Variants in CLTB observed in about 807,000 individuals in gnomAD.
The protein encoded by CLTB is clathrin light chain B.
In CLTB, 10 loss-of-function variants were observed where a neutral mutation model predicts 30.5. That is an observed-to-expected ratio of 0.33 (90% CI 0.20 to 0.56). The LOEUF (loss-of-function observed/expected upper bound fraction) is 0.56. Ranked by LOEUF, CLTB falls within the 20% of genes least tolerant of loss-of-function variation. CLTB has a pLI of 0.91. For synonymous variants in CLTB, 102 were observed against 120.3 expected, an observed-to-expected ratio of 0.85 and a Z score of 1.00; for missense variants, 261 against 308.3, an observed-to-expected ratio of 0.85 and a Z score of 1.15.
At chr5:176,399,491 CAGCA>C (rs1304383529) in intron 2 of CLTB, among the ~76,000 whole-genome samples, 3 of 152,194 alleles carry the variant, frequency 2.0e-5, no homozygotes, top group Non-Finnish European at 4.4e-5. Context: ...CCTATAATCC[CAGCA>C]CTTCGGGAGG....
intron 4 of CLTB, among the ~76,000 whole-genome samples, chr5:176,396,905 CA>C (rs1455288277): frequency 6.6e-6 from 1 of 152,098 alleles, no homozygotes; most frequent in African/African-American, 2.4e-5. Context: ...TAATACATCA[CA>C]TTTTTTTCTT....
At chr5:176,414,366 G>C (rs1757588231) in intron 1 of CLTB, among the ~76,000 whole-genome samples, 2 of 152,050 alleles carry the variant, frequency 1.3e-5, no homozygotes, top group Admixed American at 6.6e-5. Flanking sequence ...TCAGATAGGT[G>C]GCAAAAGACC....
At chr5:176,394,437 A>G (rs917377605) in intron 5 of CLTB, among the ~76,000 whole-genome samples, 1 of 151,964 alleles carries the variant, frequency 6.6e-6, no homozygotes. Context: ...TTTGGGAGGC[A>G]GAGGCGGGTG....
At chr5:176,405,489 CAAAA>C (rs988554368) in intron 2 of CLTB, 2 of 52,234 alleles carry the variant, frequency 3.8e-5, no homozygotes, top group South Asian at 6.8e-4. Flanking sequence ...CCCTGTCTCT[CAAAA>C]AAAAAAAAAA....
intron 2 of CLTB, among the ~76,000 whole-genome samples, chr5:176,399,773 G>A (rs1756720699): frequency 6.6e-6 from 1 of 151,388 alleles, no homozygotes. Flanking sequence ...CTGCTTAGGA[G>A]TCTGGGACTT....
chr5:176,399,072 G>A lies in CLTB; in HGVS notation c.235-1025C>T, dbSNP rs565763112. ...TTGGTCAGGCTGATCTCGAACTCCC[G>A]ACCTCAGGTGATCCACCGGCCTCGG... is the stretch of plus-strand genomic sequence containing the variant. On this transcript the variant is annotated intron_variant, in intron 2 of 5. Transcript: ENST00000310418. 1.0e-3 allele frequency among the ~76,000 whole-genome samples: 153 copies of A among 152,088 alleles called. 1 individual carries two copies. Among genetic ancestry groups the A allele is most frequent in the East Asian group, 5.8e-4 (3 of 5,152 alleles).
chr5:176,401,993 C>T (rs1319195685), intron 2 of CLTB: 1 of 319,470 alleles, frequency 3.1e-6, no homozygotes, highest in African/African-American at 2.2e-5. Context: ...TCCGATTTAT[C>T]ATGTCACACT....
chr5:176,406,357 G>A, intron 2 of CLTB: 2 of 1,116,892 alleles, frequency 1.8e-6, no homozygotes, highest in Non-Finnish European at 2.2e-6. Context: ...TCTCCTGAGG[G>A]GCCCCTCTGC....
At chr5:176,408,541 A>G (rs1279213106) in intron 2 of CLTB, among the ~76,000 whole-genome samples, 1 of 145,980 alleles carries the variant, frequency 6.9e-6, no homozygotes, top group African/African-American at 2.6e-5. Context: ...CATCTCAGGA[A>G]AAAAAAAAAA....
At chr5:176,414,290 T>C (rs928526517) in intron 1 of CLTB, among the ~76,000 whole-genome samples, 12 of 152,268 alleles carry the variant, frequency 7.9e-5, no homozygotes, top group East Asian at 5.8e-4. Context: ...AGGAATTCCC[T>C]GGGACACGGC....
At chr5:176,394,938 A>G (rs1330007014) in intron 5 of CLTB, among the ~76,000 whole-genome samples, 3 of 151,866 alleles carry the variant, frequency 2.0e-5, no homozygotes, top group Admixed American at 6.6e-5. Context: ...ATTCCACAGC[A>G]CCCATGCCCA....
chr5:176,394,648 A>C (rs760534043), intron 5 of CLTB, among the ~76,000 whole-genome samples: 1 of 115,496 alleles, frequency 8.7e-6, no homozygotes, highest in Non-Finnish European at 2.0e-5. Flanking sequence ...CCCCGTCTCT[A>C]CTAAAAAATA....
At chr5:176,398,224 C>T (rs901581760) in intron 2 of CLTB, among the ~76,000 whole-genome samples, 177 bp from the exon 3 acceptor site, 13 of 152,186 alleles carry the variant, frequency 8.5e-5, no homozygotes, top group African/African-American at 2.2e-4. Context: ...AGCAACACTC[C>T]GCCACCTGTG....
chr5:176,403,317 T>C (rs1028354673), intron 2 of CLTB, among the ~76,000 whole-genome samples: 1 of 152,118 alleles, frequency 6.6e-6, no homozygotes, highest in Non-Finnish European at 1.5e-5. Context: ...CCCAAAGTGC[T>C]GGGATTACAG....
chr5:176,400,316 G>A (rs1355841413), intron 2 of CLTB, among the ~76,000 whole-genome samples: 2 of 152,194 alleles, frequency 1.3e-5, no homozygotes, highest in Admixed American at 6.5e-5. Flanking sequence ...TGCTTGGTGT[G>A]GAGTGATGGC....
chr5:176,405,479 C>A (rs1757054067), intron 2 of CLTB: 1 of 142,884 alleles, frequency 7.0e-6, no homozygotes, highest in Non-Finnish European at 1.5e-5. Context: ...CAGAGCAAGA[C>A]CCTGTCTCTC....
intron 2 of CLTB, chr5:176,406,682 T>G: frequency 3.9e-6 from 5 of 1,288,908 alleles, no homozygotes; most frequent in Non-Finnish European, 5.1e-6. Context: ...ACTGGGTTTG[T>G]AGCTGGACCC....
intron 1 of CLTB, among the ~76,000 whole-genome samples, chr5:176,413,830 T>G (rs1199664078): frequency 6.6e-6 from 1 of 152,068 alleles, no homozygotes; most frequent in Non-Finnish European, 1.5e-5. Flanking sequence ...CCGATCCAAC[T>G]AAGGAGGGCA....
Position 176,392,534 on chromosome 5 carries a change from T to C in CLTB, c.*240A>G. 1 of 508,670 alleles carries C rather than the reference T, an allele frequency of 2.0e-6. No homozygotes were observed. Among genetic ancestry groups the C allele is most frequent in the Non-Finnish European group, 3.5e-6 (1 of 285,480 alleles). The allele number at this position is 508,670 out of a possible 1,614,324, so 31.5% of individuals were successfully genotyped here. A position where few individuals can be genotyped will look rare whatever the true frequency, so the allele number is the denominator to read the frequency against. ...ACACCCTTTAAGCCAAGAAAAAAAA[T>C]ACATCAGGAGGGACAGTCACAATTG... On this transcript the variant is annotated 3_prime_UTR_variant, in exon 6 of 6. Coordinates refer to ENST00000310418, the MANE Select transcript of CLTB (RefSeq NM_007097.5). The surrounding 1 kb of genome is among the most constrained non-coding windows in gnomAD (Gnocchi z 5.2).
Sources: allele counts gnomAD v4.1 joint callset (sites outside exome capture counted in the v4.1 genomes callset), GRCh38; gene constraint gnomAD v4.1.1; non-coding constraint Gnocchi (gnomAD v3.1); transcripts MANE v1.5; gene names NCBI Gene and HGNC (gene_info 2026-07-23, HGNC 2026-07-21).